Variants in PEX3 observed in about 807,000 individuals in gnomAD.
PEX3 encodes the protein peroxisomal biogenesis factor 3.
PEX3 carries 30 observed loss-of-function variants against 55.8 expected under a neutral mutation model. That is an observed-to-expected ratio of 0.54 (90% CI 0.40 to 0.73). The LOEUF is 0.73. Among genes scored for constraint, PEX3 ranks in the 30% least tolerant of loss-of-function variants. The probability of loss-of-function intolerance (pLI) is 0.00; values close to 1 mark genes in which losing one functional copy is unlikely to be tolerated. For synonymous variants in PEX3, 135 were observed against 148.4 expected, an observed-to-expected ratio of 0.91 and a Z score of 0.66; for missense variants, 351 against 432.8, an observed-to-expected ratio of 0.81 and a Z score of 1.68.
At position 143,464,243 on chromosome 6, in the gene PEX3, A is replaced by T. The variant is rs1283247261; in HGVS notation, c.287+1246A>T. Among the ~76,000 whole-genome samples the T allele has an allele frequency of 2.0e-5, 3 of 152,218 alleles. No homozygotes were observed. The East Asian group carries it at 5.8e-4, about 29-fold the overall frequency. ...CATGATGAGAAGGCAAGACAAGTTAAATAAGTGAATAGCATTTTTATACAA... is the reference window on the plus strand; with the variant it reads ...CATGATGAGAAGGCAAGACAAGTTATATAAGTGAATAGCATTTTTATACAA... On this transcript the variant is annotated intron_variant, in intron 3 of 11. Coordinates refer to ENST00000367591, the MANE Select transcript of PEX3 (RefSeq NM_003630.3). The surrounding 1 kb of genome is among the most constrained non-coding windows in gnomAD (Gnocchi z 5.8).
intron 1 of PEX3, among the ~76,000 whole-genome samples, chr6:143,456,047 C>T (rs992544467): frequency 1.8e-4 from 28 of 152,110 alleles, no homozygotes; most frequent in Admixed American, 1.6e-3. Flanking sequence ...TAATGGAAAA[C>T]TCAAAGCATT....
intron 1 of PEX3, among the ~76,000 whole-genome samples, chr6:143,456,116 A>G (rs998567132): frequency 6.6e-6 from 1 of 152,248 alleles, no homozygotes; most frequent in Admixed American, 6.5e-5. Context: ...ATAAAGTCAT[A>G]GCTACAAAAG....
chr6:143,464,432 C>T lies in PEX3; in HGVS notation c.287+1435C>T, dbSNP rs758567005. ...GGAGGAAGTAGACTAAATAAATTATCGTAATTCCGGACATATTTAGTGCAA... is the reference window on the plus strand; with the variant it reads ...GGAGGAAGTAGACTAAATAAATTATTGTAATTCCGGACATATTTAGTGCAA... On this transcript the variant is annotated intron_variant, in intron 3 of 11. Transcript: ENST00000367591. The surrounding 1 kb of genome is among the most constrained non-coding windows in gnomAD (Gnocchi z 5.8). Among the ~76,000 whole-genome samples, 6 of 151,658 alleles carry T rather than the reference C, an allele frequency of 4.0e-5. No homozygotes were observed. The highest frequency in any genetic ancestry group is 8.8e-5 in the Non-Finnish European group (6 of 67,848).
At position 143,472,317 on chromosome 6, in the gene PEX3, T is replaced by C; in HGVS notation, c.736T>C (p.Leu246=). ...HYMMPDEETP[L]AVQACGLSPR... is the part of the protein sequence containing the mutation. ...TATGATGCCAGATGAAGAAACTCCA[T>C]TAGCAGTGCAGGTGCTTAATTCATA... The change falls in exon 8 of 12, where the codon TTA becomes CTA. Residue 246 remains leucine (L), a synonymous_variant. Coordinates refer to ENST00000367591, the MANE Select transcript of PEX3 (RefSeq NM_003630.3). 1.2e-6 allele frequency: 2 copies of C among 1,607,114 alleles called. No homozygotes were observed. The highest frequency in any genetic ancestry group is 1.7e-6 in the Non-Finnish European group (2 of 1,174,332).
At position 143,459,256 on chromosome 6, in the gene PEX3, GACGGT is replaced by G; in HGVS notation, c.205+41_205+45del. ...TATTTATACATGTGTAAAGTTGTTT[GACGGT>G]TGTATTAATTTGCATATCACCGGGA... On this transcript the variant is annotated intron_variant, in intron 2 of 11. Transcript: ENST00000367591. The surrounding 1 kb of genome is among the most constrained non-coding windows in gnomAD (Gnocchi z 4.2). 1 of 1,576,676 alleles carries G rather than the reference GACGGT, an allele frequency of 6.3e-7. No homozygotes were observed. Among genetic ancestry groups the G allele is most frequent in the African/African-American group, 1.3e-5 (1 of 74,302 alleles).
intron 1 of PEX3, among the ~76,000 whole-genome samples, chr6:143,455,073 G>T (rs1263276568): frequency 6.6e-6 from 1 of 152,188 alleles, no homozygotes; most frequent in Admixed American, 6.5e-5. Flanking sequence ...TGCAGTTCAA[G>T]AATTCCTTAA....
chr6:143,484,547 A>G (rs1780288127), intron 10 of PEX3, among the ~76,000 whole-genome samples: 1 of 152,080 alleles, frequency 6.6e-6, no homozygotes, highest in Admixed American at 6.6e-5. Context: ...TAGGGGGGAA[A>G]TACTCAACAT....
At position 143,462,848 on chromosome 6, in the gene PEX3, T is replaced by A. The variant is rs993130464; in HGVS notation, c.206-68T>A. 3 of 1,159,444 alleles carry A rather than the reference T, an allele frequency of 2.6e-6. No homozygotes were observed. Among genetic ancestry groups the A allele is most frequent in the African/African-American group, 3.0e-5 (2 of 66,134 alleles). The allele number at this position is 1,159,444 out of a possible 1,614,324, so 71.8% of individuals were successfully genotyped here. ...AGCCCTATCATATAGCCTAAAACAATGCGCATTTCTTAGTGAGGGCAGTCA... is the reference window on the plus strand; with the variant it reads ...AGCCCTATCATATAGCCTAAAACAAAGCGCATTTCTTAGTGAGGGCAGTCA... On this transcript the variant is annotated intron_variant, in intron 2 of 11. Transcript: ENST00000367591. The surrounding 1 kb of genome is among the most constrained non-coding windows in gnomAD (Gnocchi z 4.1).
Position 143,490,495 on chromosome 6 carries a change from G to T in PEX3, c.*1269G>T. The T allele has an allele frequency of 3.6e-6, 1 of 279,776 alleles. No homozygotes were observed. Among genetic ancestry groups the T allele is most frequent in the Non-Finnish European group, 7.0e-6 (1 of 143,716 alleles). The allele number at this position is 279,776 out of a possible 1,614,324, so 17.3% of individuals were successfully genotyped here. On this transcript the variant is annotated 3_prime_UTR_variant, in exon 12 of 12. Coordinates refer to ENST00000367591, the MANE Select transcript of PEX3 (RefSeq NM_003630.3). The surrounding 1 kb of genome is among the most constrained non-coding windows in gnomAD (Gnocchi z 6.0). ...ACCATAGACACCTCTGAGCCCACTG[G>T]CATTGTCTCTGAGCAGAAGATGGCT...
chr6:143,486,150 C>A lies in PEX3; in HGVS notation c.1038+902C>A, dbSNP rs1357699893. Reference sequence around the variant, plus strand: ...ATTTTCCCACACTGGACTCTTCAGTCTTCTGTCCTCTTTCTCACCCCTAAG... The same window carrying A: ...ATTTTCCCACACTGGACTCTTCAGTATTCTGTCCTCTTTCTCACCCCTAAG... On this transcript the variant is annotated intron_variant, in intron 11 of 11. Transcript: ENST00000367591. This position sits in a 1 kb window ranked among gnomAD's most constrained non-coding sequence, Gnocchi z 5.0. Among the ~76,000 whole-genome samples, 1 of 152,126 alleles carries A rather than the reference C, an allele frequency of 6.6e-6. No homozygotes were observed. The highest frequency in any genetic ancestry group is 1.5e-5 in the Non-Finnish European group (1 of 67,998).
At position 143,459,032 on chromosome 6, in the gene PEX3, T is replaced by C. The variant is rs904955236; in HGVS notation, c.74-53T>C. 1.6e-5 allele frequency: 20 copies of C among 1,214,522 alleles called. No individual in the cohort carries two copies. The African/African-American group carries it at 1.7e-4, about 10-fold the overall frequency. The allele number at this position is 1,214,522 out of a possible 1,614,324, so 75.2% of individuals were successfully genotyped here. A position where few individuals can be genotyped will look rare whatever the true frequency, so the allele number is the denominator to read the frequency against. On this transcript the variant is annotated intron_variant, in intron 1 of 11. Transcript: ENST00000367591. This position sits in a 1 kb window ranked among gnomAD's most constrained non-coding sequence, Gnocchi z 4.2. ...ATTGCATAAAGTAGGTTAAAAATACTGTGTAGAATTTTTGGTACTCTAATG... is the reference window on the plus strand; with the variant it reads ...ATTGCATAAAGTAGGTTAAAAATACCGTGTAGAATTTTTGGTACTCTAATG...
chr6:143,453,189 C>T lies in PEX3; in HGVS notation c.73+2074C>T, dbSNP rs1344829623. ...TACATGTAATTAAGATACAGAAAAA[C>T]AAGAGAGGTGAAAAAATGCTGTACA... On this transcript the variant is annotated intron_variant, in intron 1 of 11. Transcript: ENST00000367591. This position sits in a 1 kb window ranked among gnomAD's most constrained non-coding sequence, Gnocchi z 4.6. Among the ~76,000 whole-genome samples, 1 of 152,010 alleles carries T rather than the reference C, an allele frequency of 6.6e-6. No homozygotes were observed. The highest frequency in any genetic ancestry group is 1.5e-5 in the Non-Finnish European group (1 of 67,994).
rs1780080969 is a variant in PEX3, at chr6:143,471,996, C to T, written c.579-164C>T. Among the ~76,000 whole-genome samples, 1 of 152,104 alleles carries T rather than the reference C, an allele frequency of 6.6e-6. No individual in the cohort carries two copies. Among genetic ancestry groups the T allele is most frequent in the African/African-American group, 2.4e-5 (1 of 41,428 alleles). ...ACTTTTCTTGGCTCTGTAGTAATGG[C>T]CCTTAACTAGTGGCTGATTTCGTAA... On this transcript the variant is annotated intron_variant, in intron 7 of 11. Coordinates refer to ENST00000367591, the MANE Select transcript of PEX3 (RefSeq NM_003630.3). The surrounding 1 kb of genome is among the most constrained non-coding windows in gnomAD (Gnocchi z 5.4).
Position 143,489,139 on chromosome 6 carries a change from C to T in PEX3, c.1039-4C>T. 6.3e-7 allele frequency: 1 copy of T among 1,586,794 alleles called. No homozygotes were observed. The highest frequency in any genetic ancestry group is 8.7e-7 in the Non-Finnish European group (1 of 1,155,586). ...CTATAATGTTATATTATCATCTTTG[C>T]TAGGATCTGTTGACAATGGAGCAAG... On this transcript the variant is annotated splice_polypyrimidine_tract_variant and splice_region_variant and intron_variant, in intron 11 of 11. Coordinates refer to ENST00000367591, the MANE Select transcript of PEX3 (RefSeq NM_003630.3). This position sits in a 1 kb window ranked among gnomAD's most constrained non-coding sequence, Gnocchi z 5.5.
At chr6:143,455,425 T>C (rs1393319999) in intron 1 of PEX3, among the ~76,000 whole-genome samples, 9 of 139,466 alleles carry the variant, frequency 6.5e-5, no homozygotes, top group South Asian at 4.7e-4. Context: ...CCATGTTAGC[T>C]AGGATGGTCT....
At chr6:143,467,526 A>G (rs1165788921) in intron 3 of PEX3, among the ~76,000 whole-genome samples, 1 of 152,128 alleles carries the variant, frequency 6.6e-6, no homozygotes, top group Non-Finnish European at 1.5e-5. Flanking sequence ...AATTGGTGAT[A>G]TCAAGTCTGC....
Position 143,453,974 on chromosome 6 carries a change from G to T in PEX3, c.73+2859G>T, listed in dbSNP as rs758368909. Among the ~76,000 whole-genome samples the T allele has an allele frequency of 3.9e-4, 60 of 151,906 alleles. No individual in the cohort carries two copies. The highest frequency in any genetic ancestry group is 2.6e-4 in the Non-Finnish European group (18 of 67,984). On this transcript the variant is annotated intron_variant, in intron 1 of 11. Coordinates refer to ENST00000367591, the MANE Select transcript of PEX3 (RefSeq NM_003630.3). The surrounding 1 kb of genome is among the most constrained non-coding windows in gnomAD (Gnocchi z 4.6). Reference sequence around the variant, plus strand: ...TCTGAAAAATTAAGGACCCTCAAAAGCTTTCTAAATTTTATATCTATTAAT... The same window carrying T: ...TCTGAAAAATTAAGGACCCTCAAAATCTTTCTAAATTTTATATCTATTAAT...
rs1393511345 is a variant in PEX3 at position 143,465,275 on chromosome 6, T to G, written c.287+2278T>G. Among the ~76,000 whole-genome samples, 1 of 152,018 alleles carries G rather than the reference T, an allele frequency of 6.6e-6. No individual in the cohort carries two copies. The highest frequency in any genetic ancestry group is 6.6e-5 in the Admixed American group (1 of 15,262). ...GATTTGGAATCTTTTATGTAGATTT[T>G]GGAGTTTTTTAAAAAAAAATAGCAT... On this transcript the variant is annotated intron_variant, in intron 3 of 11. Coordinates refer to ENST00000367591, the MANE Select transcript of PEX3 (RefSeq NM_003630.3). The surrounding 1 kb of genome is among the most constrained non-coding windows in gnomAD (Gnocchi z 4.7).
rs576623938 is a variant in PEX3 at position 143,453,743 on chromosome 6, A to AT, written c.73+2633dup. On this transcript the variant is annotated intron_variant, in intron 1 of 11. Transcript: ENST00000367591. The surrounding 1 kb of genome is among the most constrained non-coding windows in gnomAD (Gnocchi z 4.6). ...AGGTGTGCACCATCATGCTTGGCTAATTTTTAATTATTTTGTAGAGACAGG... is the reference window on the plus strand; with the variant it reads ...AGGTGTGCACCATCATGCTTGGCTAATTTTTTAATTATTTTGTAGAGACAGG... Among the ~76,000 whole-genome samples, 64 of 152,130 alleles carry AT rather than the reference A, an allele frequency of 4.2e-4. No homozygotes were observed. Among genetic ancestry groups the AT allele is most frequent in the Non-Finnish European group, 7.6e-4 (52 of 68,008 alleles).
Sources: allele counts gnomAD v4.1 joint callset (sites outside exome capture counted in the v4.1 genomes callset), GRCh38; gene constraint gnomAD v4.1.1; non-coding constraint Gnocchi (gnomAD v3.1); transcripts MANE v1.5; gene names NCBI Gene and HGNC (gene_info 2026-07-23, HGNC 2026-07-21).